The following DNAJB11 variants were observed in gnomAD, a reference collection of about 807,000 sequenced individuals.
DNAJB11 encodes dnaJ homolog subfamily B member 11.
Under a neutral mutation model 47.2 loss-of-function variants are expected in DNAJB11, and 30 were observed. The observed-to-expected ratio is 0.64, with a 90% CI of 0.48 to 0.86. The LOEUF (loss-of-function observed/expected upper bound fraction) is 0.86, where lower values mean the gene tolerates loss of function less well. Ranked by LOEUF, DNAJB11 falls within the 40% of genes least tolerant of loss-of-function variation. The probability of loss-of-function intolerance (pLI) is 0.00; values close to 1 mark genes in which losing one functional copy is unlikely to be tolerated. For missense variants in DNAJB11, 357 were observed against 440.2 expected (o/e 0.81, Z 1.69); for synonymous variants, 151 against 159.9 (o/e 0.94, Z 0.42).
rs575321908 is a variant in DNAJB11, at chr3:186,585,541, T to C, written c.*133T>C. The C allele has an allele frequency of 3.1e-4, 170 of 549,212 alleles. 1 individual carries two copies. Among genetic ancestry groups the C allele is most frequent in the Non-Finnish European group, 4.9e-4 (156 of 318,076 alleles). The allele number at this position is 549,212 out of a possible 1,614,324, so 34.0% of individuals were successfully genotyped here. Reference sequence around the variant, plus strand: ...GCTTAATTTTTTTATCTAATGATCATCATGAAATGAATAAGAGGGCTTAAG... The same window carrying C: ...GCTTAATTTTTTTATCTAATGATCACCATGAAATGAATAAGAGGGCTTAAG... On this transcript the variant is annotated 3_prime_UTR_variant, in exon 10 of 10. Transcript: ENST00000265028.
Position 186,583,912 on chromosome 3 carries a change from C to T in DNAJB11, c.788C>T (p.Thr263Ile), listed in dbSNP as rs1715572515. ...RRGDDLYTNV[T>I]ISLVESLVGF... is the part of the protein sequence containing the mutation. ...GGAGATGATTTGTACACAAATGTGACAATCTCATTAGTTGAGTCACTGGTT... is the reference window on the plus strand; with the variant it reads ...GGAGATGATTTGTACACAAATGTGATAATCTCATTAGTTGAGTCACTGGTT... The change falls in exon 8 of 10, where the codon ACA becomes ATA. Residue 263 changes from threonine to isoleucine, a missense_variant. Transcript: ENST00000265028. 3 of 1,613,842 alleles carry T rather than the reference C, an allele frequency of 1.9e-6. No individual in the cohort carries two copies. The highest frequency in any genetic ancestry group is 4.5e-5 in the East Asian group (2 of 44,878).
chr3:186,580,063 A>T (rs1169092390), intron 4 of DNAJB11: 1 of 152,222 alleles, frequency 6.6e-6, no homozygotes, highest in African/African-American at 2.4e-5. Context: ...GGCATTAAAA[A>T]TATTCATAAA....
rs900498544 is a variant in DNAJB11 at position 186,570,821 on chromosome 3, G to T, written c.-77G>T. On this transcript the variant is annotated 5_prime_UTR_variant, in exon 1 of 10. Transcript: ENST00000265028. ...CGGTGTGAGGCGGCCTCACAGGGCCGGGTGGGCTGGCGAGCCGACGCGGCG... is the reference window on the plus strand; with the variant it reads ...CGGTGTGAGGCGGCCTCACAGGGCCTGGTGGGCTGGCGAGCCGACGCGGCG... 9.6e-5 allele frequency: 138 copies of T among 1,438,220 alleles called. No individual in the cohort carries two copies. Among genetic ancestry groups the T allele is most frequent in the Non-Finnish European group, 1.2e-4 (126 of 1,048,146 alleles). 89.1% of individuals were successfully genotyped at this position (1,438,220 alleles called of 1,614,324 possible).
At position 186,570,806 on chromosome 3, in the gene DNAJB11, C is replaced by A. The variant is rs1715012948; in HGVS notation, c.-92C>A. On this transcript the variant is annotated 5_prime_UTR_variant, in exon 1 of 10. Transcript: ENST00000265028. ...ACCCCCGCGCCCCCCCGGTGTGAGG[C>A]GGCCTCACAGGGCCGGGTGGGCTGG... The A allele has an allele frequency of 2.4e-6, 3 of 1,228,882 alleles. No homozygotes were observed. The highest frequency in any genetic ancestry group is 2.3e-6 in the Non-Finnish European group (2 of 863,926). The allele number at this position is 1,228,882 out of a possible 1,614,324, so 76.1% of individuals were successfully genotyped here.
intron 1 of DNAJB11, 66 bp downstream of exon 1, chr3:186,571,031 G>GGGGGGGCCCCCC: frequency 2.9e-6 from 3 of 1,041,144 alleles, no homozygotes; most frequent in East Asian, 3.1e-5. Context: ...GTGGGAGGGG[G>GGGGGGGCCCCCC]TGGGGGAAGT....
chr3:186,579,688 G>T (rs1715415951), intron 4 of DNAJB11: 1 of 152,278 alleles, frequency 6.6e-6, no homozygotes, highest in Admixed American at 6.5e-5. Flanking sequence ...AGCATCATGG[G>T]CTGAGCCCTG....
intron 5 of DNAJB11, 76 bp downstream of exon 5, chr3:186,581,589 C>T: frequency 6.7e-7 from 1 of 1,484,236 alleles, no homozygotes; most frequent in South Asian, 1.3e-5. Context: ...ACTAATGGTC[C>T]ATACTAGATC....
chr3:186,582,691 A>G (rs369160712), intron 6 of DNAJB11, 25 bp from the exon 7 acceptor site: 16 of 1,568,016 alleles, frequency 1.0e-5, no homozygotes, highest in African/African-American at 2.7e-5. Context: ...ATGATTTACA[A>G]TATGCTGTAA....
At chr3:186,576,492 CTGA>C (rs1229366933) in intron 3 of DNAJB11, among the ~76,000 whole-genome samples, 1 of 152,128 alleles carries the variant, frequency 6.6e-6, no homozygotes, top group African/African-American at 2.4e-5. Context: ...TCCACATTCC[CTGA>C]TGATTACATA....
Position 186,584,467 on chromosome 3 carries a change from C to T in DNAJB11, c.890C>T (p.Ala297Val), listed in dbSNP as rs139219315. ...CGGGATAAGATCACCAGGCCAGGAG[C>T]GAAGCTATGGAAGAAAGGGGAAGGG... ...ISRDKITRPG[A>V]KLWKKGEGLP... is the part of the protein sequence containing the mutation. The change falls in exon 9 of 10, where the codon GCG becomes GTG. Residue 297 changes from alanine (A) to valine (V), a missense_variant. Physicochemically the swap from Ala to Val is moderately conservative, Grantham distance 64. Coordinates refer to ENST00000265028, the MANE Select transcript of DNAJB11 (RefSeq NM_016306.6). The T allele has an allele frequency of 4.8e-5, 76 of 1,588,072 alleles. No individual in the cohort carries two copies. The highest frequency in any genetic ancestry group is 1.7e-4 in the Middle Eastern group (1 of 5,992).
intron 1 of DNAJB11, among the ~76,000 whole-genome samples, chr3:186,571,292 G>A (rs1250246682): frequency 6.6e-6 from 1 of 152,196 alleles, no homozygotes; most frequent in Non-Finnish European, 1.5e-5. Context: ...GCAGTGTCAC[G>A]TAGAGCTGGG....
At chr3:186,571,074 A>G in intron 1 of DNAJB11, 109 bp downstream of exon 1, 1 of 1,040,998 alleles carries the variant, frequency 9.6e-7, no homozygotes, top group Non-Finnish European at 1.4e-6. Context: ...GGAGAGGGGC[A>G]TCGCTGTGGG....
chr3:186,575,368 C>CGCGTGTGTGT lies in DNAJB11; in HGVS notation c.226-471_226-470insCGTGTGTGTG, dbSNP rs1406330956. Among the ~76,000 whole-genome samples the CGCGTGTGTGT allele has an allele frequency of 4.4e-3, 627 of 143,432 alleles. 5 individuals carry two copies. Among genetic ancestry groups the CGCGTGTGTGT allele is most frequent in the African/African-American group, 0.016 (602 of 37,162 alleles). 94.1% of individuals were successfully genotyped at this position (143,432 alleles called of 152,430 possible). On this transcript the variant is annotated intron_variant, in intron 2 of 9. Transcript: ENST00000265028. ...CTCCTAATACATGCGCGCGCGCGCGCGTGTGTGTGTGTGTGTGTGTGTGTC... is the reference window on the plus strand; with the variant it reads ...CTCCTAATACATGCGCGCGCGCGCGCGCGTGTGTGTGTGTGTGTGTGTGTGTGTGTGTGTC...
chr3:186,582,225 A>G, intron 6 of DNAJB11, 148 bp downstream of exon 6: 1 of 637,628 alleles, frequency 1.6e-6, no homozygotes, highest in Non-Finnish European at 2.7e-6. Flanking sequence ...CAATTTTAGG[A>G]TATACAAAGC....
At chr3:186,574,604 C>G (rs1445446868) in intron 2 of DNAJB11, among the ~76,000 whole-genome samples, 1 of 151,918 alleles carries the variant, frequency 6.6e-6, no homozygotes, top group Non-Finnish European at 1.5e-5. Flanking sequence ...GTACTGTGGT[C>G]ACTTCTGGAA....
intron 2 of DNAJB11, among the ~76,000 whole-genome samples, 177 bp from the exon 3 acceptor site, chr3:186,575,663 A>C (rs193003662): frequency 5.3e-5 from 8 of 152,354 alleles, no homozygotes; most frequent in Admixed American, 5.2e-4. Flanking sequence ...TGCATCAAAG[A>C]ATTTAGTCTT....
In DNAJB11 at chr3:186,584,563, A is replaced by T. The variant is rs1715606041; in HGVS notation, c.986A>T (p.Glu329Val). ...IITFDVDFPK[E>V]QLTEEAREGI... Reference sequence around the variant, plus strand: ...ACTTTTGATGTGGATTTTCCAAAAGAACAGTTAACAGAGGAAGCGAGAGAA... The same window carrying T: ...ACTTTTGATGTGGATTTTCCAAAAGTACAGTTAACAGAGGAAGCGAGAGAA... The change falls in exon 9 of 10, where the codon GAA becomes GTA. Residue 329 changes from glutamate (E) to valine (V), a missense_variant. Glu to Val is a moderately radical substitution (Grantham distance 121). Coordinates refer to ENST00000265028, the MANE Select transcript of DNAJB11 (RefSeq NM_016306.6). 1 of 1,598,996 alleles carries T rather than the reference A, an allele frequency of 6.3e-7. No homozygotes were observed. The highest frequency in any genetic ancestry group is 1.8e-5 in the Admixed American group (1 of 56,066).
intron 3 of DNAJB11, among the ~76,000 whole-genome samples, chr3:186,576,530 T>A (rs1230651471): frequency 6.6e-6 from 1 of 152,234 alleles, no homozygotes; most frequent in Non-Finnish European, 1.5e-5. Flanking sequence ...AATCTGGGGT[T>A]TCAGGTCTGA....
chr3:186,577,797 G>A lies in DNAJB11; in HGVS notation c.453G>A (p.Val151=). 1 of 1,596,384 alleles carries A rather than the reference G, an allele frequency of 6.3e-7. No homozygotes were observed. Among genetic ancestry groups the A allele is most frequent in the East Asian group, 2.3e-5 (1 of 44,352 alleles). The change falls in exon 4 of 10, where the codon GTG becomes GTA. Residue 151 remains valine (V), a synonymous_variant. Transcript: ENST00000265028. ...AAGAAGTATATGCAGGAAATTTTGT[G>A]GAAGTAAGTTCAAACAATATAGCTG... ...TLEEVYAGNF[V]EVVRNKPVAR...
Sources: allele counts gnomAD v4.1 joint callset (sites outside exome capture counted in the v4.1 genomes callset), GRCh38; gene constraint gnomAD v4.1.1; transcripts MANE v1.5; gene names NCBI Gene and HGNC (gene_info 2026-07-23, HGNC 2026-07-21).